Variants in SLC67A2 observed in about 807,000 individuals in gnomAD.
SLC67A2 encodes the protein solute carrier family 67 member 2.
the SLC67A2 span, among the ~76,000 whole-genome samples, chr2:102,736,174 T>A: frequency 6.6e-6 from 1 of 152,022 alleles, no homozygotes; most frequent in Non-Finnish European, 1.5e-5. Flanking sequence ...CAACCAAGAA[T>A]CCTAGTGAAA....
the SLC67A2 span, among the ~76,000 whole-genome samples, chr2:102,734,386 T>C: frequency 1.4e-4 from 21 of 152,212 alleles, no homozygotes; most frequent in African/African-American, 4.3e-4. Flanking sequence ...AAGGGTCATC[T>C]TGGTCTTCCC....
At chr2:102,718,796 G>T in the SLC67A2 span, 1 of 1,613,832 alleles carries the variant, frequency 6.2e-7, no homozygotes, top group Non-Finnish European at 8.5e-7. Context: ...CAGTGCCTGC[G>T]AGTTGTGCTT....
At chr2:102,724,388 G>A in the SLC67A2 span, among the ~76,000 whole-genome samples, 1 of 152,174 alleles carries the variant, frequency 6.6e-6, no homozygotes, top group East Asian at 1.9e-4. Flanking sequence ...GAGAGGACAA[G>A]GAGTGAGTAG....
the SLC67A2 span, among the ~76,000 whole-genome samples, chr2:102,720,281 T>G: frequency 2.0e-5 from 3 of 152,200 alleles, no homozygotes; most frequent in Non-Finnish European, 2.9e-5. Context: ...ACCAACCACA[T>G]GAGAATGTGG....
At chr2:102,724,306 G>A in the SLC67A2 span, among the ~76,000 whole-genome samples, 1 of 152,090 alleles carries the variant, frequency 6.6e-6, no homozygotes, top group Non-Finnish European at 1.5e-5. Flanking sequence ...AATATTTACT[G>A]CATGCCTACT....
chr2:102,724,110 G>A, the SLC67A2 span, among the ~76,000 whole-genome samples: 29 of 152,138 alleles, frequency 1.9e-4, no homozygotes, highest in Admixed American at 3.3e-4. Flanking sequence ...CCATCCCACC[G>A]TAATTAGACT....
At chr2:102,726,119 G>A in the SLC67A2 span, among the ~76,000 whole-genome samples, 4 of 152,214 alleles carry the variant, frequency 2.6e-5, no homozygotes, top group South Asian at 8.3e-4. Context: ...CAGTCCAGAC[G>A]AGCCTGGAAA....
chr2:102,723,637 G>GA, the SLC67A2 span: 51 of 1,487,094 alleles, frequency 3.4e-5, no homozygotes, highest in African/African-American at 6.1e-4. Flanking sequence ...AGAAATAAGA[G>GA]AAAAGTAGGT....
the SLC67A2 span, among the ~76,000 whole-genome samples, chr2:102,735,776 TCAGC>T: frequency 5.3e-4 from 80 of 152,172 alleles, no homozygotes; most frequent in East Asian, 0.015. Context: ...ATGCCATGAA[TCAGC>T]TTACTAAACT....
At chr2:102,730,954 A>G in the SLC67A2 span, 20 of 1,309,442 alleles carry the variant, frequency 1.5e-5, no homozygotes, top group Admixed American at 5.3e-5. Flanking sequence ...CAAATCTATC[A>G]CTTTTTGATA....
chr2:102,732,525 A>T, the SLC67A2 span: 5 of 822,702 alleles, frequency 6.1e-6, no homozygotes, highest in African/African-American at 1.7e-5. Context: ...ACACGTAAGA[A>T]ATCATAATTG....
chr2:102,724,230 C>T, the SLC67A2 span, among the ~76,000 whole-genome samples: 101 of 152,280 alleles, frequency 6.6e-4, no homozygotes, highest in Middle Eastern at 6.8e-3. Flanking sequence ...CTCCCAGTTA[C>T]GCTTGCATTT....
chr2:102,727,036 T>C, the SLC67A2 span: 22 of 1,568,206 alleles, frequency 1.4e-5, no homozygotes, highest in Non-Finnish European at 1.8e-5. Flanking sequence ...ACCATGCAAA[T>C]GACCAAAACA....
At chr2:102,723,611 T>G in the SLC67A2 span, 1 of 1,325,176 alleles carries the variant, frequency 7.5e-7, no homozygotes. Context: ...TCTATTCTGA[T>G]AAAAACGAAT....
the SLC67A2 span, chr2:102,718,633 C>T: frequency 1.2e-5 from 19 of 1,613,636 alleles, no homozygotes; most frequent in African/African-American, 2.7e-5. Context: ...TGGCCTGGGC[C>T]CCGCCCACAG....
the SLC67A2 span, among the ~76,000 whole-genome samples, chr2:102,730,665 C>T: frequency 1.5e-3 from 231 of 151,916 alleles, 2 homozygotes; most frequent in Admixed American, 3.9e-3. Context: ...GCCTCAGCCT[C>T]CCGAGTAGCT....
At chr2:102,719,425 A>G in the SLC67A2 span, among the ~76,000 whole-genome samples, 155 of 152,276 alleles carry the variant, frequency 1.0e-3, 1 homozygote, top group African/African-American at 3.3e-3. Flanking sequence ...AAAAAAGAAC[A>G]CCACGATACC....
chr2:102,732,877 G>A, the SLC67A2 span, among the ~76,000 whole-genome samples: 1 of 152,222 alleles, frequency 6.6e-6, no homozygotes, highest in Non-Finnish European at 1.5e-5. Flanking sequence ...ACTAGGGAAA[G>A]GCCAGTGTTT....
At chr2:102,728,954 C>T in the SLC67A2 span, among the ~76,000 whole-genome samples, 14 of 152,250 alleles carry the variant, frequency 9.2e-5, no homozygotes, top group Admixed American at 2.6e-4. Context: ...CAGGGGCTGA[C>T]ACATAGGTAC....
Sources: gnomAD v4.1 joint callset for allele counts (sites outside exome capture counted in the v4.1 genomes callset) on GRCh38, gnomAD v4.1.1 for gene constraint, MANE v1.5 for transcripts, NCBI Gene and HGNC (gene_info 2026-07-23, HGNC 2026-07-21) for gene names.